PTGER3: variants seen among roughly 807,000 people sequenced by gnomAD.
PTGER3 encodes prostaglandin E2 receptor EP3 subtype.
PTGER3 carries 22 observed loss-of-function variants against 34.7 expected under a neutral mutation model. That is an observed-to-expected ratio of 0.63 (90% CI 0.45 to 0.91). PTGER3 has a LOEUF of 0.91. Ranked by LOEUF, PTGER3 falls within the 40% of genes least tolerant of loss-of-function variation. The probability of loss-of-function intolerance (pLI) is 0.00; values close to 1 mark genes in which losing one functional copy is unlikely to be tolerated. For synonymous variants in PTGER3, 241 were observed against 230.1 expected, an observed-to-expected ratio of 1.05 and a Z score of -0.43; for missense variants, 468 against 519.4, an observed-to-expected ratio of 0.90 and a Z score of 0.96.
rs35271200 is a variant in PTGER3, at chr1:71,024,645, C to CTTTTTT, written c.898-12167_898-12162dup. Reference sequence around the variant, plus strand: ...CTACCGACATTCTATCCTTTTCTTTCTTTTTTTTTTTTTTTTTTTTTGCCT... The same window carrying CTTTTTT: ...CTACCGACATTCTATCCTTTTCTTTCTTTTTTTTTTTTTTTTTTTTTTTTTTTGCCT... On this transcript the variant is annotated intron_variant, in intron 1 of 3. Coordinates refer to ENST00000306666, the MANE Select transcript of PTGER3 (RefSeq NM_198719.2). Among the ~76,000 whole-genome samples the CTTTTTT allele has an allele frequency of 2.8e-4, 33 of 117,142 alleles. 1 individual carries two copies. Among genetic ancestry groups the CTTTTTT allele is most frequent in the African/African-American group, 5.8e-4 (17 of 29,062 alleles). The allele number at this position is 117,142 out of a possible 152,430, so 76.8% of individuals were successfully genotyped here.
At chr1:70,911,752 C>T (rs888173445) in intron 4 of PTGER3, among the ~76,000 whole-genome samples, 1 of 152,192 alleles carries the variant, frequency 6.6e-6, no homozygotes, top group South Asian at 2.1e-4. Flanking sequence ...CAGAGGAAAT[C>T]GTGTTACAAC....
intron 1 of PTGER3, among the ~76,000 whole-genome samples, chr1:71,031,173 T>C (rs571582394): frequency 6.6e-6 from 1 of 152,184 alleles, no homozygotes; most frequent in Admixed American, 6.5e-5. Flanking sequence ...TTTTATTTTT[T>C]GTGGCTCTCT....
In PTGER3 at chr1:70,912,953, CTT is replaced by C. The variant is rs377244562; in HGVS notation, c.*23+40808_*23+40809del. Among the ~76,000 whole-genome samples the C allele has an allele frequency of 1.3e-4, 20 of 152,024 alleles. No homozygotes were observed. In the East Asian group the frequency reaches 3.1e-3, roughly 23 times the overall value. On this transcript the variant is annotated intron_variant, in intron 4 of 4. Coordinates refer to the PTGER3 transcript ENST00000370931. ...TAGTATAAGTCCTTCAATTTGGCCT[CTT>C]TTTCGAAAAATTATCTTGGCTACTC... is the stretch of plus-strand genomic sequence containing the variant.
At position 71,047,036 on chromosome 1, in the gene PTGER3, A is replaced by T; in HGVS notation, c.542T>A (p.Val181Glu). 1 of 1,611,344 alleles carries T rather than the reference A, an allele frequency of 6.2e-7. No homozygotes were observed. Reference protein sequence around the residue: ...TRATRAVLLGVWLAVLAFALL... With the variant: ...TRATRAVLLGEWLAVLAFALL... Reference sequence around the variant, plus strand: ...GGCGAAGGCGAGCACGGCCAGCCACACGCCGAGCAGCACAGCGCGGGTGGC... The same window carrying T: ...GGCGAAGGCGAGCACGGCCAGCCACTCGCCGAGCAGCACAGCGCGGGTGGC... The change falls in exon 1 of 4, where the codon GTG becomes GAG. Residue 181 changes from valine to glutamate, a missense_variant. Transcript: ENST00000306666.
intron 1 of PTGER3, among the ~76,000 whole-genome samples, chr1:71,026,648 T>C (rs778753235): frequency 6.6e-6 from 1 of 150,928 alleles, no homozygotes; most frequent in Non-Finnish European, 1.5e-5. Flanking sequence ...TTATTACTAA[T>C]ATTATATTAT....
chr1:71,035,527 A>G (rs368804640), intron 1 of PTGER3, among the ~76,000 whole-genome samples: 1 of 152,150 alleles, frequency 6.6e-6, no homozygotes, highest in African/African-American at 2.4e-5. Context: ...TTTTCTTTAT[A>G]TTAATGTCTC....
chr1:70,855,691 GGA>G (rs1253791396), intron 4 of PTGER3, among the ~76,000 whole-genome samples: 1 of 151,968 alleles, frequency 6.6e-6, no homozygotes, highest in Non-Finnish European at 1.5e-5. Context: ...TTCAGGGAAG[GGA>G]GCAAATGGGT....
At chr1:70,938,672 A>C (rs1279916116) in intron 4 of PTGER3, among the ~76,000 whole-genome samples, 2 of 152,094 alleles carry the variant, frequency 1.3e-5, no homozygotes, top group Non-Finnish European at 2.9e-5. Context: ...TGGTGGCGGC[A>C]AGAGAAAAAT....
Position 70,905,248 on chromosome 1 carries a change from A to G in PTGER3, c.*23+48515T>C, listed in dbSNP as rs529235912. Reference sequence around the variant, plus strand: ...TGCTGCAGGGGTGGGGCATTCATGGACAACCTTCTGCAGTGCAGAAGGGAA... The same window carrying G: ...TGCTGCAGGGGTGGGGCATTCATGGGCAACCTTCTGCAGTGCAGAAGGGAA... On this transcript the variant is annotated intron_variant, in intron 4 of 4. Coordinates refer to the PTGER3 transcript ENST00000370931. 3.9e-5 allele frequency among the ~76,000 whole-genome samples: 6 copies of G among 152,162 alleles called. No homozygotes were observed. The South Asian group carries it at 1.0e-3, about 26-fold the overall frequency.
chr1:70,856,092 T>C (rs1013276345), intron 4 of PTGER3, among the ~76,000 whole-genome samples: 1 of 152,128 alleles, frequency 6.6e-6, no homozygotes, highest in Non-Finnish European at 1.5e-5. Context: ...TGCTAGTTTT[T>C]TCACTTCTCT....
chr1:71,008,352 G>A (rs1336829129), intron 2 of PTGER3: 3 of 857,914 alleles, frequency 3.5e-6, no homozygotes, highest in Non-Finnish European at 4.2e-6. Context: ...GAATCATAAT[G>A]CACTCTGCTT....
At chr1:70,990,249 C>T (rs186064898) in intron 2 of PTGER3, among the ~76,000 whole-genome samples, 40 of 150,696 alleles carry the variant, frequency 2.7e-4, no homozygotes, top group Admixed American at 1.7e-3. Flanking sequence ...CCCAGCTACT[C>T]GGGAGGCTGA....
Position 70,934,150 on chromosome 1 carries a change from C to T in PTGER3, c.*23+19613G>A, listed in dbSNP as rs979654824. 2.4e-4 allele frequency among the ~76,000 whole-genome samples: 37 copies of T among 152,004 alleles called. 1 individual carries two copies. The highest frequency in any genetic ancestry group is 1.5e-5 in the Non-Finnish European group (1 of 67,990). On this transcript the variant is annotated intron_variant, in intron 4 of 4. Transcript: ENST00000370931. Reference sequence around the variant, plus strand: ...TAATTATCTTGACAATATTGTAAACCAAAAATTAGAAAACTAAACTCGTAA... The same window carrying T: ...TAATTATCTTGACAATATTGTAAACTAAAAATTAGAAAACTAAACTCGTAA...
At chr1:70,900,985 A>C (rs898006314) in intron 4 of PTGER3, among the ~76,000 whole-genome samples, 13 of 152,156 alleles carry the variant, frequency 8.5e-5, no homozygotes, top group Non-Finnish European at 1.3e-4. Flanking sequence ...ATGGCCCAGA[A>C]ATTATTGTTT....
Position 70,858,510 on chromosome 1 carries a change from T to C in PTGER3, c.*24-5651A>G, listed in dbSNP as rs566891272. ...CCTGACATAGTGAAAGGGGAGAGTGTCCTGGAGAAAGCAGGGATCATGGAA... is the reference window on the plus strand; with the variant it reads ...CCTGACATAGTGAAAGGGGAGAGTGCCCTGGAGAAAGCAGGGATCATGGAA... On this transcript the variant is annotated intron_variant, in intron 4 of 4. Coordinates refer to the PTGER3 transcript ENST00000370931. Among the ~76,000 whole-genome samples the C allele has an allele frequency of 1.8e-4, 28 of 152,310 alleles. No individual in the cohort carries two copies. In the East Asian group the frequency reaches 4.6e-3, roughly 25 times the overall value.
At chr1:70,987,594 TGGAG>T (rs1337374684) in intron 2 of PTGER3, among the ~76,000 whole-genome samples, 2 of 152,218 alleles carry the variant, frequency 1.3e-5, no homozygotes, top group Non-Finnish European at 2.9e-5. Flanking sequence ...TTCAGTGTTC[TGGAG>T]GATTTCCTAG....
At chr1:70,948,852 T>C (rs1650469909), downstream of PTGER3, among the ~76,000 whole-genome samples, 1 of 152,202 alleles carries the variant, frequency 6.6e-6, no homozygotes, top group Non-Finnish European at 1.5e-5. Context: ...GCATTGCTTC[T>C]GCCAACCCTA....
intron 4 of PTGER3, among the ~76,000 whole-genome samples, chr1:70,936,310 C>A (rs1649224643): frequency 1.3e-5 from 2 of 152,122 alleles, no homozygotes; most frequent in Admixed American, 1.3e-4. Context: ...AGTGCACTTT[C>A]CAGGTATGAG....
intron 4 of PTGER3, among the ~76,000 whole-genome samples, chr1:70,905,253 C>T (rs990090477): frequency 6.6e-6 from 1 of 151,990 alleles, no homozygotes; most frequent in Non-Finnish European, 1.5e-5. Context: ...CATGGACAAC[C>T]TTCTGCAGTG....
Sources: allele counts gnomAD v4.1 joint callset (sites outside exome capture counted in the v4.1 genomes callset), GRCh38; gene constraint gnomAD v4.1.1; transcripts MANE v1.5; gene names NCBI Gene and HGNC (gene_info 2026-07-23, HGNC 2026-07-21).